MYO16: variants seen among roughly 807,000 people sequenced by gnomAD.
MYO16 encodes the protein unconventional myosin-XVI.
A neutral mutation model predicts 205.3 loss-of-function variants in MYO16; 94 were observed. The ratio of observed to expected loss-of-function variants is 0.46; its 90% confidence interval spans 0.39 to 0.54. The LOEUF is 0.54. MYO16 is among the 20% of genes least tolerant of loss of function. The probability of loss-of-function intolerance (pLI) is 0.00; values close to 1 mark genes in which losing one functional copy is unlikely to be tolerated. For synonymous variants in MYO16, 988 were observed against 954.0 expected (o/e 1.04, Z -0.66); for missense variants, 2,315 against 2,387.5 (o/e 0.97, Z 0.63).
intron 19 of MYO16, 132 bp from the exon 20 acceptor site, chr13:108,964,629 G>A: frequency 1.0e-6 from 1 of 975,522 alleles, no homozygotes; most frequent in Non-Finnish European, 1.5e-6. Context: ...TCATTTATGA[G>A]AATCCGTATA....
rs574388127 is a variant in MYO16 at position 108,667,018 on chromosome 13, A to T, written c.292+869A>T. ...TCTAAAATGAGCATCTTCACAATTCATTACTCACAATTTGGAATCCAAAAA... is the reference window on the plus strand; with the variant it reads ...TCTAAAATGAGCATCTTCACAATTCTTTACTCACAATTTGGAATCCAAAAA... On this transcript the variant is annotated intron_variant, in intron 2 of 34. Transcript: ENST00000457511. Among the ~76,000 whole-genome samples, 9 of 152,330 alleles carry T rather than the reference A, an allele frequency of 5.9e-5. No individual in the cohort carries two copies. In the South Asian group the frequency reaches 1.9e-3, roughly 32 times the overall value.
At chr13:108,713,679 G>A (rs1208138540) in intron 3 of MYO16, among the ~76,000 whole-genome samples, 1 of 152,190 alleles carries the variant, frequency 6.6e-6, no homozygotes, top group East Asian at 1.9e-4. Context: ...AGAAACTGGT[G>A]TATACCAAAG....
chr13:109,160,609 G>A (rs117477637), intron 32 of MYO16, among the ~76,000 whole-genome samples: 2,611 of 152,228 alleles, frequency 0.017, 35 homozygotes, highest in South Asian at 0.034. Context: ...GCACAAAAAT[G>A]TCTCAGACAC....
In MYO16 at chr13:108,714,004, T is replaced by C. The variant is rs556381698; in HGVS notation, c.363+1273T>C. The stretch of plus-strand genomic sequence containing the variant: ...GGCACATTCTGCTAAGAGTCTTCCA[T>C]AGATTAATATTCTCTTCATGGCAAA... On this transcript the variant is annotated intron_variant, in intron 3 of 34. Coordinates refer to ENST00000457511, the MANE Select transcript of MYO16 (RefSeq NM_001198950.3). Among the ~76,000 whole-genome samples the C allele has an allele frequency of 1.2e-4, 19 of 152,296 alleles. No individual in the cohort carries two copies. The South Asian group carries it at 1.9e-3, about 15-fold the overall frequency.
chr13:108,984,832 C>T (rs1264144415), intron 20 of MYO16, among the ~76,000 whole-genome samples: 2 of 152,142 alleles, frequency 1.3e-5, no homozygotes, highest in South Asian at 2.1e-4. Flanking sequence ...TGTTAATGTG[C>T]GTGGATCCTT....
At chr13:108,619,587 G>T (rs1879466937) in intron 1 of MYO16, among the ~76,000 whole-genome samples, 1 of 152,134 alleles carries the variant, frequency 6.6e-6, no homozygotes. Flanking sequence ...ATGTAAATTA[G>T]CAGTAATAGG....
At chr13:109,103,734 C>T (rs1889041226) in intron 28 of MYO16, among the ~76,000 whole-genome samples, 1 of 152,016 alleles carries the variant, frequency 6.6e-6, no homozygotes, top group Non-Finnish European at 1.5e-5. Flanking sequence ...TTCAGTAAGC[C>T]TTGGTGCACA....
intron 7 of MYO16, among the ~76,000 whole-genome samples, chr13:108,810,884 A>G (rs916176726): frequency 1.3e-5 from 2 of 152,220 alleles, no homozygotes; most frequent in African/African-American, 4.8e-5. Flanking sequence ...GGGATGATGT[A>G]CATATTTTAA....
At chr13:108,516,653 T>A in the MYO16 span, among the ~76,000 whole-genome samples, 28 of 152,318 alleles carry the variant, frequency 1.8e-4, no homozygotes, top group African/African-American at 6.5e-4. Flanking sequence ...CATTCCACCA[T>A]CCAGCACCCT....
At chr13:108,717,476 AAAAAT>A (rs1191611263) in intron 3 of MYO16, among the ~76,000 whole-genome samples, 2 of 151,812 alleles carry the variant, frequency 1.3e-5, no homozygotes, top group African/African-American at 4.8e-5. Flanking sequence ...TAAAAATACA[AAAAAT>A]TAGCCGGGCG....
intron 23 of MYO16, among the ~76,000 whole-genome samples, chr13:109,036,697 T>C (rs1019157649): frequency 6.6e-6 from 1 of 152,190 alleles, no homozygotes; most frequent in Non-Finnish European, 1.5e-5. Flanking sequence ...AAGATCCATA[T>C]TGAGTCGCAT....
intron 9 of MYO16, among the ~76,000 whole-genome samples, chr13:108,838,984 G>A (rs1388004806): frequency 6.6e-6 from 1 of 151,908 alleles, no homozygotes; most frequent in Non-Finnish European, 1.5e-5. Flanking sequence ...TTCATTTTTT[G>A]TTACCTATAA....
chr13:109,197,510 G>A (rs1880210696), intron 34 of MYO16, among the ~76,000 whole-genome samples: 1 of 151,976 alleles, frequency 6.6e-6, no homozygotes, highest in Non-Finnish European at 1.5e-5. Flanking sequence ...AACTCTCTAA[G>A]CAAGTACACT....
chr13:109,198,694 G>A (rs1233414817), intron 34 of MYO16, among the ~76,000 whole-genome samples: 1 of 152,176 alleles, frequency 6.6e-6, no homozygotes, highest in African/African-American at 2.4e-5. Context: ...TGGTACAACT[G>A]TAACAGCTCA....
intron 2 of MYO16, among the ~76,000 whole-genome samples, chr13:108,684,377 A>G (rs1444016210): frequency 2.0e-5 from 3 of 152,172 alleles, no homozygotes; most frequent in Non-Finnish European, 4.4e-5. Context: ...GATATACAAG[A>G]GATCTGTGAG....
intron 16 of MYO16, among the ~76,000 whole-genome samples, chr13:108,924,788 A>T (rs1221122400): frequency 6.6e-6 from 1 of 150,738 alleles, no homozygotes; most frequent in Non-Finnish European, 1.5e-5. Flanking sequence ...GTCTTCTGCT[A>T]TCAGTCAGGC....
At chr13:109,173,688 G>A (rs530106495) in intron 33 of MYO16, among the ~76,000 whole-genome samples, 1 of 151,570 alleles carries the variant, frequency 6.6e-6, no homozygotes, top group Non-Finnish European at 1.5e-5. Context: ...AAGGTCAGGC[G>A]ATCGAGACCA....
upstream of MYO16, among the ~76,000 whole-genome samples, chr13:108,626,399 A>T (rs1280847010): frequency 6.6e-6 from 1 of 152,188 alleles, no homozygotes; most frequent in Admixed American, 6.6e-5. Flanking sequence ...GAACGCATGG[A>T]TTTAATTTTG....
intron 16 of MYO16, among the ~76,000 whole-genome samples, chr13:108,934,883 C>G (rs941061765): frequency 2.6e-5 from 4 of 151,980 alleles, no homozygotes; most frequent in African/African-American, 9.7e-5. Flanking sequence ...ATTGGGAGTC[C>G]TTTCTCCATT....
Sources: allele counts gnomAD v4.1 joint callset (sites outside exome capture counted in the v4.1 genomes callset), GRCh38; gene constraint gnomAD v4.1.1; transcripts MANE v1.5; gene names NCBI Gene and HGNC (gene_info 2026-07-23, HGNC 2026-07-21).